OSBP2: variants seen among roughly 807,000 people sequenced by gnomAD.
OSBP2 encodes the protein oxysterol binding protein 2.
Under a neutral mutation model 96.0 loss-of-function variants are expected in OSBP2, and 66 were observed. The ratio of observed to expected loss-of-function variants is 0.69; its 90% CI spans 0.56 to 0.84. OSBP2 has a LOEUF of 0.84. OSBP2 is among the 40% of genes least tolerant of loss of function. OSBP2 has a pLI of 0.00. For missense variants in OSBP2, 1,038 were observed against 1,222.7 expected, an observed-to-expected ratio of 0.85 and a Z score of 2.25; for synonymous variants, 525 against 520.9, an observed-to-expected ratio of 1.01 and a Z score of -0.11.
chr22:30,695,420 A>C lies in OSBP2; in HGVS notation c.511A>C (p.Thr171Pro), dbSNP rs2089009749. 1 of 1,613,620 alleles carries C rather than the reference A, an allele frequency of 6.2e-7. No homozygotes were observed. The highest frequency in any genetic ancestry group is 1.3e-5 in the African/African-American group (1 of 74,952). The change falls in exon 1 of 14, where the codon ACG (threonine) becomes CCG (proline). Residue 171 changes from threonine (T) to proline (P), a missense_variant. Coordinates refer to ENST00000332585, the MANE Select transcript of OSBP2 (RefSeq NM_030758.4). ...TGGGGTTCCAATGTCGGGGACTGGCACGACCTCCAGTGCCCCACTGGCCTT... is the reference window on the plus strand; with the variant it reads ...TGGGGTTCCAATGTCGGGGACTGGCCCGACCTCCAGTGCCCCACTGGCCTT... Reference protein sequence around the residue: ...PLGVPMSGTGTTSSAPLALLP... With the variant: ...PLGVPMSGTGPTSSAPLALLP...
At chr22:30,859,370 G>A (rs2039159196) in intron 2 of OSBP2, among the ~76,000 whole-genome samples, 1 of 152,250 alleles carries the variant, frequency 6.6e-6, no homozygotes, top group Admixed American at 6.5e-5. Flanking sequence ...TGTGTCAAAG[G>A]AAATGCTCAC....
intron 2 of OSBP2, among the ~76,000 whole-genome samples, chr22:30,792,710 C>T (rs2090693823): frequency 6.6e-6 from 1 of 152,186 alleles, no homozygotes; most frequent in Non-Finnish European, 1.5e-5. Context: ...GCAGCTCTTA[C>T]AAGTTTTGGT....
intron 3 of OSBP2, among the ~76,000 whole-genome samples, chr22:30,874,326 C>T (rs1443903713): frequency 6.6e-5 from 10 of 151,972 alleles, no homozygotes; most frequent in South Asian, 2.1e-4. Context: ...GCAGGAGAAT[C>T]GTTTGAACCC....
intron 4 of OSBP2, among the ~76,000 whole-genome samples, 192 bp from the exon 5 acceptor site, chr22:30,888,031 C>T (rs1171613966): frequency 5.3e-5 from 8 of 152,222 alleles, no homozygotes; most frequent in Non-Finnish European, 2.9e-5. Flanking sequence ...GCGGTGAATG[C>T]GTTGAAAGCA....
At chr22:30,831,964 A>T (rs1403987475) in intron 2 of OSBP2, among the ~76,000 whole-genome samples, 1 of 151,850 alleles carries the variant, frequency 6.6e-6, no homozygotes, top group Non-Finnish European at 1.5e-5. Context: ...GCCTACTTTG[A>T]CCTCACCCTG....
At chr22:30,753,177 T>C (rs759697592) in intron 2 of OSBP2, among the ~76,000 whole-genome samples, 6 of 151,800 alleles carry the variant, frequency 4.0e-5, no homozygotes, top group Non-Finnish European at 7.4e-5. Context: ...CCCTCTGTGG[T>C]TGGAAGGGAG....
chr22:30,725,428 T>G (rs530070774), intron 1 of OSBP2, among the ~76,000 whole-genome samples: 78 of 151,310 alleles, frequency 5.2e-4, no homozygotes, highest in African/African-American at 1.8e-3. Context: ...TGAGAATCAC[T>G]TGGACCCGGG....
intron 2 of OSBP2, among the ~76,000 whole-genome samples, chr22:30,756,633 C>T (rs2090144024): frequency 2.0e-5 from 3 of 152,058 alleles, no homozygotes; most frequent in Non-Finnish European, 2.9e-5. Context: ...GTGGAGTTTG[C>T]GGTGAGCAAA....
At chr22:30,831,050 T>C (rs919017752) in intron 2 of OSBP2, among the ~76,000 whole-genome samples, 1 of 152,226 alleles carries the variant, frequency 6.6e-6, no homozygotes, top group Non-Finnish European at 1.5e-5. Flanking sequence ...CTGAGCATCT[T>C]TGGCATGTAA....
chr22:30,848,460 G>A (rs577643930), intron 2 of OSBP2, among the ~76,000 whole-genome samples: 2 of 152,122 alleles, frequency 1.3e-5, no homozygotes, highest in Admixed American at 1.3e-4. Flanking sequence ...GAATTTAAAT[G>A]CAACAAAATG....
rs568444280 is a variant in OSBP2, at chr22:30,905,904, G to A, written c.2443G>A (p.Val815Ile). 3.5e-5 allele frequency: 56 copies of A among 1,613,134 alleles called. No homozygotes were observed. The highest frequency in any genetic ancestry group is 1.6e-4 in the Middle Eastern group (1 of 6,062). ...GACCCTCAACGAGCACGAGGAGGGC[G>A]TAGCGCCAACCGACAGCCGCCTGCG... ...ALTLNEHEEG[V>I]APTDSRLRPD... Residue 815 changes from valine to isoleucine, a missense_variant, in exon 13 of 14, where the codon GTA becomes ATA. Coordinates refer to ENST00000332585, the MANE Select transcript of OSBP2 (RefSeq NM_030758.4).
At chr22:30,864,904 G>A (rs140294318) in intron 2 of OSBP2, among the ~76,000 whole-genome samples, 2 of 149,636 alleles carry the variant, frequency 1.3e-5, no homozygotes, top group African/African-American at 2.4e-5. Flanking sequence ...TAGTTTCCCC[G>A]AAACAAGCAA....
At chr22:30,826,471 G>T (rs941619092) in intron 2 of OSBP2, among the ~76,000 whole-genome samples, 2 of 152,104 alleles carry the variant, frequency 1.3e-5, no homozygotes, top group Admixed American at 6.5e-5. Context: ...ATCCTTGCAG[G>T]CGCAATGCCC....
rs2040353421 is a variant in OSBP2, at chr22:30,907,323, A to G, written c.*984A>G. ...AACTCTTTATTTGCCTAATTTATAT[A>G]TATATATATGAGATATATAAATATA... On this transcript the variant is annotated 3_prime_UTR_variant, in exon 14 of 14. Coordinates refer to ENST00000332585, the MANE Select transcript of OSBP2 (RefSeq NM_030758.4). 6.6e-6 allele frequency: 1 copy of G among 151,288 alleles called. No individual in the cohort carries two copies. Among genetic ancestry groups the G allele is most frequent in the Admixed American group, 6.6e-5 (1 of 15,142 alleles). The allele number at this position is 151,288 out of a possible 1,614,324, so 9.4% of individuals were successfully genotyped here.
chr22:30,786,671 G>C (rs1462204000), intron 2 of OSBP2, among the ~76,000 whole-genome samples: 1 of 131,276 alleles, frequency 7.6e-6, no homozygotes, highest in East Asian at 2.6e-4. Flanking sequence ...GGAGATCCTG[G>C]CTGTTCAGAG....
chr22:30,872,413 G>A (rs192633251), intron 3 of OSBP2: 23 of 456,280 alleles, frequency 5.0e-5, no homozygotes, highest in African/African-American at 4.2e-4. Context: ...GAGCGTCTCA[G>A]CTGGCTGCCG....
At chr22:30,812,363 A>C (rs552929230) in intron 2 of OSBP2, among the ~76,000 whole-genome samples, 1 of 152,124 alleles carries the variant, frequency 6.6e-6, no homozygotes, top group Admixed American at 6.5e-5. Flanking sequence ...ACAGGGTTTC[A>C]CCATGTTGGC....
At chr22:30,713,180 G>A (rs1192645988) in intron 1 of OSBP2, among the ~76,000 whole-genome samples, 1 of 150,960 alleles carries the variant, frequency 6.6e-6, no homozygotes, top group African/African-American at 2.4e-5. Context: ...CTGGGTTCAC[G>A]CCATTCTCCT....
intron 2 of OSBP2, among the ~76,000 whole-genome samples, chr22:30,865,631 CAAAAAAAA>C (rs398040482): frequency 4.5e-4 from 27 of 59,882 alleles, no homozygotes; most frequent in South Asian, 1.5e-3. Context: ...GACTCCATCT[CAAAAAAAA>C]AAAAAAAAAA....
Sources: allele counts gnomAD v4.1 joint callset (sites outside exome capture counted in the v4.1 genomes callset), GRCh38; gene constraint gnomAD v4.1.1; transcripts MANE v1.5; gene names NCBI Gene and HGNC (gene_info 2026-07-23, HGNC 2026-07-21).